Variants in RELN observed in about 807,000 individuals in gnomAD.
The protein encoded by RELN is reelin.
RELN carries 108 observed loss-of-function variants against 427.6 expected under a neutral mutation model. The ratio of observed to expected loss-of-function variants is 0.25; its 90% CI spans 0.22 to 0.30. The LOEUF (loss-of-function observed/expected upper bound fraction) is 0.30, where lower values mean the gene tolerates loss of function less well. RELN is among the 10% of genes least tolerant of loss of function. RELN has a pLI of 1.00. For synonymous variants in RELN, 1,524 were observed against 1,513.4 expected (o/e 1.01, Z -0.16); for missense variants, 3,715 against 4,302.8 (o/e 0.86, Z 3.82).
chr7:103,822,296 A>C (rs1793034398), intron 3 of RELN, among the ~76,000 whole-genome samples: 1 of 152,138 alleles, frequency 6.6e-6, no homozygotes, highest in Non-Finnish European at 1.5e-5. Context: ...TAATTTAACA[A>C]TAGAAATATT....
intron 5 of RELN, 129 bp downstream of exon 5, chr7:103,753,052 AT>A (rs1457027768): frequency 1.1e-6 from 1 of 930,968 alleles, no homozygotes; most frequent in Non-Finnish European, 1.7e-6. Flanking sequence ...CCCAAGTCCA[AT>A]TTCAGTGACT....
intron 55 of RELN, 46 bp downstream of exon 55, chr7:103,497,774 A>G (rs1393013355): frequency 6.7e-7 from 1 of 1,497,218 alleles, no homozygotes; most frequent in African/African-American, 1.4e-5. Context: ...GTTGGATGGA[A>G]TTTGGGAATC....
chr7:103,744,406 C>G lies in RELN; in HGVS notation c.656+5020G>C, dbSNP rs552748654. ...AAAGCTAGCAGAAGGCAAGAAATAA[C>G]TAAAATCAGAGCAGAACGGAAGGAA... On this transcript the variant is annotated intron_variant, in intron 6 of 64. Coordinates refer to ENST00000428762, the MANE Select transcript of RELN (RefSeq NM_005045.4). 8.4e-3 allele frequency among the ~76,000 whole-genome samples: 1,271 copies of G among 152,076 alleles called. 23 individuals carry two copies. The highest frequency in any genetic ancestry group is 0.029 in the African/African-American group (1,199 of 41,448).
chr7:103,618,866 A>G (rs1435237595), intron 20 of RELN, among the ~76,000 whole-genome samples: 1 of 152,184 alleles, frequency 6.6e-6, no homozygotes, highest in Non-Finnish European at 1.5e-5. Context: ...TAATCCCAGC[A>G]CTTTGGGAGG....
chr7:103,846,799 G>A lies in RELN; in HGVS notation c.338-13127C>T, dbSNP rs574420212. On this transcript the variant is annotated intron_variant, in intron 2 of 64. Transcript: ENST00000428762. ...AACAGACACTTCTCAAAATTCATGT[G>A]GTCAACAAATATAAATAAAAAAGCT... Among the ~76,000 whole-genome samples, 86 of 151,310 alleles carry A rather than the reference G, an allele frequency of 5.7e-4. 1 individual carries two copies. Among genetic ancestry groups the A allele is most frequent in the Admixed American group, 4.3e-3 (66 of 15,180 alleles).
At chr7:103,567,757 AAAGTT>A (rs1830791155) in intron 31 of RELN, among the ~76,000 whole-genome samples, 1 of 150,140 alleles carries the variant, frequency 6.7e-6, no homozygotes, top group Admixed American at 6.7e-5. Flanking sequence ...TACGCTCAGT[AAAGTT>A]GTTATTTTTA....
At chr7:103,495,965 A>G (rs1279885687) in intron 56 of RELN, 67 bp from the exon 57 acceptor site, 11 of 1,539,542 alleles carry the variant, frequency 7.1e-6, no homozygotes, top group South Asian at 1.1e-5. Flanking sequence ...GCAATATGGC[A>G]TATTATTCTC....
intron 4 of RELN, among the ~76,000 whole-genome samples, chr7:103,773,100 T>TTCCTTCCTTCCTTTCTTTCTTTC (rs1791611584): frequency 7.8e-6 from 1 of 128,590 alleles, no homozygotes; most frequent in African/African-American, 3.1e-5. Context: ...GGTTCTCCTC[T>TTCCTTCCTTCCTTTCTTTCTTTC]TTTCTTTCTT....
chr7:103,872,007 T>A (rs9792001), intron 2 of RELN, among the ~76,000 whole-genome samples: 21,124 of 133,842 alleles, frequency 0.16, 1,830 homozygotes, highest in South Asian at 0.39. Context: ...CTATCTACAG[T>A]ATATGAATAT....
At chr7:103,806,860 C>G (rs1374464201) in intron 3 of RELN, among the ~76,000 whole-genome samples, 1 of 152,138 alleles carries the variant, frequency 6.6e-6, no homozygotes, top group Non-Finnish European at 1.5e-5. Flanking sequence ...TCCTTCCTAT[C>G]CTAATATCCA....
rs148498285 is a variant in RELN at position 103,841,021 on chromosome 7, T to C, written c.338-7349A>G. On this transcript the variant is annotated intron_variant, in intron 2 of 64. Coordinates refer to ENST00000428762, the MANE Select transcript of RELN (RefSeq NM_005045.4). ...TGTAAACTTATGCAAAAAATGTTCA[T>C]ATGAAATTTCTTCTCCAGAGAAAGA... 2.2e-4 allele frequency among the ~76,000 whole-genome samples: 33 copies of C among 152,300 alleles called. No individual in the cohort carries two copies. In the East Asian group the frequency reaches 5.6e-3, roughly 26 times the overall value.
chr7:103,529,799 A>G (rs1170368065), intron 46 of RELN, among the ~76,000 whole-genome samples: 1 of 152,100 alleles, frequency 6.6e-6, no homozygotes, highest in Non-Finnish European at 1.5e-5. Flanking sequence ...CGTTCGTTCG[A>G]AGGTCACTCA....
At chr7:103,720,615 T>G (rs1008744238) in intron 8 of RELN, among the ~76,000 whole-genome samples, 2 of 152,182 alleles carry the variant, frequency 1.3e-5, no homozygotes, top group African/African-American at 4.8e-5. Flanking sequence ...ATTGTTAACA[T>G]ATAGTTTTTT....
At position 103,540,410 on chromosome 7, in the gene RELN, A is replaced by C. The variant is rs777533773; in HGVS notation, c.6717T>G (p.Pro2239=). The change falls in exon 44 of 65, where the codon CCT becomes CCG. Residue 2239 remains proline, a synonymous_variant. Transcript: ENST00000428762. ...GGAGCACGGGTTGACTCCTGGGGTC[A>C]GGAACGCCTTTACCACATCCCAGTC... ...FMRLGCGKGV[P]DPRSQPVLLQ... The C allele has an allele frequency of 6.2e-7, 1 of 1,614,150 alleles. No individual in the cohort carries two copies. The highest frequency in any genetic ancestry group is 1.7e-5 in the Admixed American group (1 of 60,026).
chr7:103,859,188 G>A (rs912057491), intron 2 of RELN, among the ~76,000 whole-genome samples: 12 of 152,236 alleles, frequency 7.9e-5, no homozygotes, highest in African/African-American at 2.9e-4. Context: ...AATTTCTCAA[G>A]TGTGTGCAGA....
At chr7:103,694,726 T>G (rs746865108) in intron 10 of RELN, among the ~76,000 whole-genome samples, 1 of 152,000 alleles carries the variant, frequency 6.6e-6, no homozygotes, top group African/African-American at 2.4e-5. Context: ...TTTTTTCAGA[T>G]CATAGCTCAC....
At chr7:103,624,773 C>G (rs186561941) in intron 20 of RELN, among the ~76,000 whole-genome samples, 1 of 151,980 alleles carries the variant, frequency 6.6e-6, no homozygotes, top group Non-Finnish European at 1.5e-5. Flanking sequence ...TCATGTTGCT[C>G]TTTTACTTTC....
intron 28 of RELN, among the ~76,000 whole-genome samples, chr7:103,577,717 G>A (rs1045183933): frequency 3.3e-5 from 5 of 152,192 alleles, no homozygotes; most frequent in Non-Finnish European, 7.3e-5. Flanking sequence ...TACTCTTAAG[G>A]AAAATGTTAA....
At chr7:103,771,876 G>C (rs753054212) in intron 4 of RELN, among the ~76,000 whole-genome samples, 8 of 152,056 alleles carry the variant, frequency 5.3e-5, no homozygotes, top group African/African-American at 9.7e-5. Context: ...GTCTTCCCTT[G>C]TCTGCCTGTC....
Sources: gnomAD v4.1 joint callset for allele counts (sites outside exome capture counted in the v4.1 genomes callset) on GRCh38, gnomAD v4.1.1 for gene constraint, MANE v1.5 for transcripts, NCBI Gene and HGNC (gene_info 2026-07-23, HGNC 2026-07-21) for gene names.